Variants in TAF1L observed in about 807,000 individuals in gnomAD.
The protein encoded by TAF1L is transcription initiation factor TFIID subunit 1-like.
In TAF1L, 30 loss-of-function variants were observed where a neutral mutation model predicts 128.8. The ratio of observed to expected loss-of-function variants is 0.23; its 90% CI spans 0.17 to 0.32. The LOEUF (loss-of-function observed/expected upper bound fraction) is 0.32. Ranked by LOEUF, TAF1L falls within the 10% of genes least tolerant of loss-of-function variation. The probability of loss-of-function intolerance (pLI) is 1.00; values close to 1 mark genes in which losing one functional copy is unlikely to be tolerated. For missense variants in TAF1L, 2,099 were observed against 2,253.7 expected (o/e 0.93, Z 1.39); for synonymous variants, 764 against 790.7 (o/e 0.97, Z 0.57).
Position 32,631,152 on chromosome 9 carries a change from C to T in TAF1L, c.4428G>A (p.Ala1476=), listed in dbSNP as rs1479156062. The T allele has an allele frequency of 1.2e-6, 2 of 1,614,132 alleles. No homozygotes were observed. Among genetic ancestry groups the T allele is most frequent in the Non-Finnish European group, 1.7e-6 (2 of 1,180,038 alleles). ...EHLELIVKNS[A]TYNGPKHSLT... ...ATGAATGTTTTGGCCCATTGTAGGT[C>T]GCACTGTTTTTCACAATTAGCTCCA... The change falls in exon 1 of 1, where the codon GCG becomes GCA. Residue 1476 remains alanine (A), a synonymous_variant. Transcript: ENST00000242310. The surrounding 1 kb of genome is among the most constrained non-coding windows in gnomAD (Gnocchi z 4.1).
At position 32,632,367 on chromosome 9, in the gene TAF1L, C is replaced by A. The variant is rs1822528530; in HGVS notation, c.3213G>T (p.Arg1071Ser). The change falls in exon 1 of 1, where the codon AGG (arginine) becomes AGT (serine). Residue 1071 changes from arginine (R) to serine (S), a missense_variant. This residue lies in a region of TAF1L where 1,213 missense variants were observed against 1,391.4 expected (regional missense o/e 0.87). Coordinates refer to ENST00000242310, the MANE Select transcript of TAF1L (RefSeq NM_153809.2). This position sits in a 1 kb window ranked among gnomAD's most constrained non-coding sequence, Gnocchi z 4.4. Reference protein sequence around the residue: ...GPMSKFARGSRFSVAEHQERY... With the variant: ...GPMSKFARGSSFSVAEHQERY... Reference sequence around the variant, plus strand: ...GCTCTTGATGCTCAGCCACAGAAAACCTTGATCCACGGGCAAATTTACTCA... The same window carrying A: ...GCTCTTGATGCTCAGCCACAGAAAAACTTGATCCACGGGCAAATTTACTCA... 1.2e-6 allele frequency: 2 copies of A among 1,614,186 alleles called. No individual in the cohort carries two copies. Among genetic ancestry groups the A allele is most frequent in the Non-Finnish European group, 1.7e-6 (2 of 1,180,030 alleles).
chr9:32,635,387 A>G lies in TAF1L; in HGVS notation c.193T>C (p.Leu65=), dbSNP rs533514923. 9.2e-5 allele frequency: 148 copies of G among 1,614,124 alleles called. 3 individuals carry two copies. In the South Asian group the frequency reaches 1.5e-3, roughly 16 times the overall value. Residue 65 remains leucine (L), a synonymous_variant, in exon 1 of 1, where the codon TTG becomes CTG. Transcript: ENST00000242310. ...AGCCCCAAAGCCCCCAAGCCTGCCA[A>G]GTGCTTCTTACACTCATCATCCAAG... ...SVLDDECKKH[L]AGLGALGLGS...
In TAF1L at chr9:32,630,294, C is replaced by G. The variant is rs746318773; in HGVS notation, c.5286G>C (p.Glu1762Asp). 14 of 1,614,040 alleles carry G rather than the reference C, an allele frequency of 8.7e-6. No homozygotes were observed. In the East Asian group the frequency reaches 3.1e-4, roughly 36 times the overall value. ...CTTCTCCTTCAGATATAAGCAAATC[C>G]TCATACAGGACACTGGCTTCAGGTT... ...VQQPEASVLY[E>D]DLLISEGEDD... The change falls in exon 1 of 1, where the codon GAG (glutamate) becomes GAC (aspartate). Residue 1762 changes from glutamate (E) to aspartate (D), a missense_variant. Physicochemically the swap from Glu to Asp is conservative, Grantham distance 45 (BLOSUM62 2). Coordinates refer to ENST00000242310, the MANE Select transcript of TAF1L (RefSeq NM_153809.2).
rs752627545 is a variant in TAF1L, at chr9:32,635,160, T to G, written c.420A>C (p.Glu140Asp). 6.2e-7 allele frequency: 1 copy of G among 1,614,204 alleles called. No individual in the cohort carries two copies. The highest frequency in any genetic ancestry group is 1.7e-5 in the Admixed American group (1 of 60,022). Residue 140 changes from glutamate (E) to aspartate (D), a missense_variant, in exon 1 of 1, where the codon GAA (glutamate) becomes GAC (aspartate). Around this residue, in one of 4 missense-constraint regions of TAF1L, gnomAD observed 473 missense variants for 429.6 expected, o/e 1.10. Transcript: ENST00000242310. ...CTTCACAATCAGCATCATAGTCATC[T>G]TCATCATAATCCGAGTGGTAAAGGG... Reference protein sequence around the residue: ...LQPLYHSDYDEDDYDADCEDI... With the variant: ...LQPLYHSDYDDDDYDADCEDI...
In TAF1L at chr9:32,632,033, A is replaced by G; in HGVS notation, c.3547T>C (p.Cys1183Arg). ...CGAAATGTGCGATAAATCTTGAGAC[A>G]GTGTCCAGTGGCAGAAGACTTAAGG... Reference protein sequence around the residue: ...TSLKSSATGHCLKIYRTFRDE... With the variant: ...TSLKSSATGHRLKIYRTFRDE... Residue 1183 changes from cysteine (C) to arginine (R), a missense_variant, in exon 1 of 1, where the codon TGT becomes CGT. By Grantham distance (180) the Cys-to-Arg change is radical. Coordinates refer to ENST00000242310, the MANE Select transcript of TAF1L (RefSeq NM_153809.2). This position sits in a 1 kb window ranked among gnomAD's most constrained non-coding sequence, Gnocchi z 4.4. 1.2e-6 allele frequency: 2 copies of G among 1,614,206 alleles called. No individual in the cohort carries two copies. Among genetic ancestry groups the G allele is most frequent in the South Asian group, 2.2e-5 (2 of 91,086 alleles).
At position 32,632,406 on chromosome 9, in the gene TAF1L, A is replaced by G. The variant is rs1329780730; in HGVS notation, c.3174T>C (p.Ser1058=). 1 of 1,614,260 alleles carries G rather than the reference A, an allele frequency of 6.2e-7. No homozygotes were observed. The highest frequency in any genetic ancestry group is 8.5e-7 in the Non-Finnish European group (1 of 1,180,052). Residue 1058 remains serine (S), a synonymous_variant, in exon 1 of 1, where the codon TCT becomes TCC. Transcript: ENST00000242310. The surrounding 1 kb of genome is among the most constrained non-coding windows in gnomAD (Gnocchi z 4.4). ...VRTMSTEQAH[S]GEGPMSKFAR... is the part of the protein sequence containing the mutation. ...CAAATTTACTCATGGGCCCCTCTCC[A>G]GAATGAGCCTGTTCTGTTGACATTG...
At position 32,632,156 on chromosome 9, in the gene TAF1L, C is replaced by T; in HGVS notation, c.3424G>A (p.Glu1142Lys). 1 of 1,614,210 alleles carries T rather than the reference C, an allele frequency of 6.2e-7. No homozygotes were observed. Among genetic ancestry groups the T allele is most frequent in the Non-Finnish European group, 8.5e-7 (1 of 1,180,038 alleles). ...CGCCGTAGTTCCTTCCGCTCCTGCT[C>T]CTCCCATTCACGTGACAGCTGAGAG... ...TSSQLSREWE[E>K]QERKELRRML... Residue 1142 changes from glutamate (E) to lysine (K), a missense_variant, in exon 1 of 1, where the codon GAG becomes AAG. Transcript: ENST00000242310. This position sits in a 1 kb window ranked among gnomAD's most constrained non-coding sequence, Gnocchi z 4.4.
rs146061949 is a variant in TAF1L, at chr9:32,634,620, G to T, written c.960C>A (p.Pro320=). The change falls in exon 1 of 1, where the codon CCC becomes CCA. Residue 320 remains proline, a synonymous_variant. Coordinates refer to ENST00000242310, the MANE Select transcript of TAF1L (RefSeq NM_153809.2). ...CATCATCAGCGAGACACTGCTCTGG[G>T]GGTGGTGGTGGAGCATAGTCATAGT... ...LWNYDYAPPP[P]PEQCLADDEI... is the part of the protein sequence containing the mutation. 1.5e-4 allele frequency: 239 copies of T among 1,614,164 alleles called. 1 individual carries two copies. Among genetic ancestry groups the T allele is most frequent in the Admixed American group, 3.3e-4 (20 of 60,020 alleles).
rs1031292234 is a variant in TAF1L at position 32,631,946 on chromosome 9, C to T, written c.3634G>A (p.Ala1212Thr). Residue 1212 changes from alanine (A) to threonine (T), a missense_variant, in exon 1 of 1, where the codon GCC (alanine) becomes ACC (threonine). Ala to Thr is a moderately conservative substitution (Grantham distance 58). Around this residue, in one of 4 missense-constraint regions of TAF1L, gnomAD observed 1,213 missense variants for 1,391.4 expected, o/e 0.87. Transcript: ENST00000242310. This position sits in a 1 kb window ranked among gnomAD's most constrained non-coding sequence, Gnocchi z 4.1. ...ETVRKPAVID[A>T]YVRIRTTKDE... ...TTTGTAGTCCGTATGCGCACATAGG[C>T]ATCAATGACAGCTGGTTTTCGGACT... The T allele has an allele frequency of 2.0e-5, 33 of 1,614,214 alleles. No individual in the cohort carries two copies. The highest frequency in any genetic ancestry group is 1.3e-4 in the East Asian group (6 of 44,886).
rs762034779 is a variant in TAF1L at position 32,630,231 on chromosome 9, G to T, written c.5349C>A (p.Asp1783Glu). 3.5e-5 allele frequency: 56 copies of T among 1,614,054 alleles called. No homozygotes were observed. Among genetic ancestry groups the T allele is most frequent in the Non-Finnish European group, 4.4e-5 (52 of 1,180,042 alleles). The change falls in exon 1 of 1, where the codon GAC (aspartate) becomes GAA (glutamate). Residue 1783 changes from aspartate to glutamate, a missense_variant. Physicochemically the swap from Asp to Glu is conservative, Grantham distance 45. This residue lies in a region of TAF1L where 404 missense variants were observed against 406.5 expected (regional missense o/e 0.99). Coordinates refer to ENST00000242310, the MANE Select transcript of TAF1L (RefSeq NM_153809.2). ...TCAGCTGGATAGCAGAGAAAGGATTGTCTCCTTCTTCGTCACTCCCAGCAT... is the reference window on the plus strand; with the variant it reads ...TCAGCTGGATAGCAGAGAAAGGATTTTCTCCTTCTTCGTCACTCCCAGCAT... Reference protein sequence around the residue: ...EEDAGSDEEGDNPFSAIQLSE... With the variant: ...EEDAGSDEEGENPFSAIQLSE...
rs757138027 is a variant in TAF1L at position 32,630,117 on chromosome 9, C to T, written c.5463G>A (p.Lys1821=). The T allele has an allele frequency of 1.9e-6, 3 of 1,614,160 alleles. No homozygotes were observed. The highest frequency in any genetic ancestry group is 4.5e-5 in the East Asian group (2 of 44,882). ...GCTTTCTTCATTTTCCGTGCCCATC[C>T]TTGTGTTCTCCTGAAGCATGCTGAA... ...FMLQHASGEH[K]DGHGK Residue 1821 remains lysine, a synonymous_variant, in exon 1 of 1, where the codon AAG becomes AAA. Coordinates refer to ENST00000242310, the MANE Select transcript of TAF1L (RefSeq NM_153809.2).
rs973358147 is a variant in TAF1L, at chr9:32,635,648, C to A, written c.-69G>T. ...GCTCCCTTACCCTACCAGCGTCTAC[C>A]GGAAGCTGAATAAAGGCGGGGGGAG... On this transcript the variant is annotated 5_prime_UTR_variant, in exon 1 of 1. Coordinates refer to ENST00000242310, the MANE Select transcript of TAF1L (RefSeq NM_153809.2). The A allele has an allele frequency of 1.8e-5, 24 of 1,343,062 alleles. No homozygotes were observed. Among genetic ancestry groups the A allele is most frequent in the Admixed American group, 2.7e-5 (1 of 37,008 alleles). The allele number at this position is 1,343,062 out of a possible 1,614,324, so 83.2% of individuals were successfully genotyped here. A position where few individuals can be genotyped will look rare whatever the true frequency, so the allele number is the denominator to read the frequency against.
Position 32,632,578 on chromosome 9 carries a change from T to G in TAF1L, c.3002A>C (p.Gln1001Pro). Reference sequence around the variant, plus strand: ...TCCTGTCACTGTCTTCTTCACTGCCTGTGGCTCTTTATCATCCTTCTGCTG... The same window carrying G: ...TCCTGTCACTGTCTTCTTCACTGCCGGTGGCTCTTTATCATCCTTCTGCTG... Reference protein sequence around the residue: ...PTQQKDDKEPQAVKKTVTGTD... With the variant: ...PTQQKDDKEPPAVKKTVTGTD... Residue 1001 changes from glutamine (Q) to proline (P), a missense_variant, in exon 1 of 1, where the codon CAG (glutamine) becomes CCG (proline). By Grantham distance (76) the Gln-to-Pro change is moderately conservative. Around this residue, in one of 4 missense-constraint regions of TAF1L, gnomAD observed 1,213 missense variants for 1,391.4 expected, o/e 0.87. Transcript: ENST00000242310. This position sits in a 1 kb window ranked among gnomAD's most constrained non-coding sequence, Gnocchi z 4.4. 1 of 1,614,276 alleles carries G rather than the reference T, an allele frequency of 6.2e-7. No individual in the cohort carries two copies. Among genetic ancestry groups the G allele is most frequent in the Non-Finnish European group, 8.5e-7 (1 of 1,180,050 alleles).
Position 32,631,135 on chromosome 9 carries a change from T to C in TAF1L, c.4445A>G (p.Lys1482Arg), listed in dbSNP as rs1822512049. The C allele has an allele frequency of 5.0e-6, 8 of 1,614,128 alleles. No individual in the cohort carries two copies. Among genetic ancestry groups the C allele is most frequent in the Non-Finnish European group, 6.8e-6 (8 of 1,180,046 alleles). ...TTGAGAGATCTGAGTCAATGAATGTTTTGGCCCATTGTAGGTCGCACTGTT... is the reference window on the plus strand; with the variant it reads ...TTGAGAGATCTGAGTCAATGAATGTCTTGGCCCATTGTAGGTCGCACTGTT... ...VKNSATYNGP[K>R]HSLTQISQSM... Residue 1482 changes from lysine to arginine, a missense_variant, in exon 1 of 1, where the codon AAA becomes AGA. Transcript: ENST00000242310. This position sits in a 1 kb window ranked among gnomAD's most constrained non-coding sequence, Gnocchi z 4.1.
At position 32,635,596 on chromosome 9, in the gene TAF1L, A is replaced by C. The variant is rs372591119; in HGVS notation, c.-17T>G. The C allele has an allele frequency of 4.6e-5, 73 of 1,591,192 alleles. No homozygotes were observed. In the Middle Eastern group the frequency reaches 5.5e-4, roughly 12 times the overall value. ...GGGTCGCATAAACCGGAAATAAAAC[A>C]ACAGTCGCCCGGAAGTGATCTACTT... On this transcript the variant is annotated 5_prime_UTR_variant, in exon 1 of 1. Coordinates refer to ENST00000242310, the MANE Select transcript of TAF1L (RefSeq NM_153809.2).
Position 32,633,104 on chromosome 9 carries a change from G to C in TAF1L, c.2476C>G (p.Leu826Val). Residue 826 changes from leucine (L) to valine (V), a missense_variant, in exon 1 of 1, where the codon CTA becomes GTA. Leu to Val is a conservative substitution (Grantham distance 32). Coordinates refer to ENST00000242310, the MANE Select transcript of TAF1L (RefSeq NM_153809.2). ...AAAAGGCGGTAAATAAAAACCTGTA[G>C]AAAGTCTCGAATATGCATATTGGCC... The part of the protein sequence containing the change: ...RRANMHIRDF[L>V]QVFIYRLFWK... The C allele has an allele frequency of 1.9e-6, 3 of 1,614,204 alleles. No individual in the cohort carries two copies. The highest frequency in any genetic ancestry group is 2.5e-6 in the Non-Finnish European group (3 of 1,180,026).
rs1822520240 is a variant in TAF1L at position 32,631,715 on chromosome 9, T to C, written c.3865A>G (p.Ile1289Val). The C allele has an allele frequency of 1.2e-6, 2 of 1,614,212 alleles. No individual in the cohort carries two copies. Among genetic ancestry groups the C allele is most frequent in the Non-Finnish European group, 8.5e-7 (1 of 1,180,034 alleles). ...AATTTGTTAGTCCTCATATGTCCAA[T>C]GGCACCACATGCCCCACATTTCAGT... ...LKLKCGACGA[I>V]GHMRTNKFCP... The change falls in exon 1 of 1, where the codon ATT becomes GTT. Residue 1289 changes from isoleucine to valine, a missense_variant. Ile to Val is a conservative substitution (Grantham distance 29). This residue lies in a region of TAF1L where 1,213 missense variants were observed against 1,391.4 expected (regional missense o/e 0.87). Transcript: ENST00000242310. The surrounding 1 kb of genome is among the most constrained non-coding windows in gnomAD (Gnocchi z 4.1).
chr9:32,630,078 T>C lies in TAF1L; in HGVS notation c.*21A>G. 6.2e-7 allele frequency: 1 copy of C among 1,613,812 alleles called. No homozygotes were observed. Among genetic ancestry groups the C allele is most frequent in the Non-Finnish European group, 8.5e-7 (1 of 1,179,850 alleles). On this transcript the variant is annotated 3_prime_UTR_variant, in exon 1 of 1. Transcript: ENST00000242310. ...ATGGGAAGCCTCCCCACCGTCTCCC[T>C]CATGGGACATCATGCTTTCTTCATT... is the stretch of plus-strand genomic sequence containing the variant.
chr9:32,635,534 T>G lies in TAF1L; in HGVS notation c.46A>C (p.Thr16Pro), dbSNP rs773463685. ...DLLLRAAATV[T>P]AAIMSDSDSE... ...TCCGAGTCTGACATGATGGCGGCAG[T>G]GACGGTAGCTGCTGCCCTCAGCAGC... is the stretch of plus-strand genomic sequence containing the variant. Residue 16 changes from threonine (T) to proline (P), a missense_variant, in exon 1 of 1, where the codon ACT becomes CCT. Around this residue, in one of 4 missense-constraint regions of TAF1L, gnomAD observed 473 missense variants for 429.6 expected, o/e 1.10. Transcript: ENST00000242310. The G allele has an allele frequency of 6.2e-7, 1 of 1,614,098 alleles. No individual in the cohort carries two copies. Among genetic ancestry groups the G allele is most frequent in the Non-Finnish European group, 8.5e-7 (1 of 1,179,998 alleles).
Sources: gnomAD v4.1 joint callset for allele counts on GRCh38, gnomAD v4.1.1 for gene constraint, gnomAD v4.1.1 regional missense constraint, Gnocchi (gnomAD v3.1) non-coding constraint, MANE v1.5 for transcripts, NCBI Gene and HGNC (gene_info 2026-07-23, HGNC 2026-07-21) for gene names.